SETD3: variants seen among roughly 807,000 people sequenced by gnomAD.
SETD3 encodes the protein actin-histidine N-methyltransferase.
SETD3 carries 19 observed loss-of-function variants against 63.0 expected under a neutral mutation model. That is an observed-to-expected ratio of 0.30 (90% confidence interval 0.21 to 0.44). The LOEUF is 0.44. Among genes scored for constraint, SETD3 ranks in the 20% least tolerant of loss-of-function variants. The pLI, the probability that SETD3 is intolerant of heterozygous loss-of-function variation, is 1.00. For synonymous variants in SETD3, 286 were observed against 264.1 expected, an observed-to-expected ratio of 1.08 and a Z score of -0.80; for missense variants, 587 against 728.5, an observed-to-expected ratio of 0.81 and a Z score of 2.24.
intron 6 of SETD3, among the ~76,000 whole-genome samples, chr14:99,419,731 C>T (rs1417540905): frequency 1.3e-5 from 2 of 150,176 alleles, no homozygotes; most frequent in African/African-American, 2.5e-5. Context: ...GCCGAGATCC[C>T]GCCACTGCAC....
rs550269076 is a variant in SETD3 at position 99,459,254 on chromosome 14, G to A, written c.346-69C>T. The A allele has an allele frequency of 6.7e-4, 740 of 1,102,764 alleles. 6 individuals are homozygous for A. In the African/African-American group the frequency reaches 8.7e-3, roughly 13 times the overall value. The allele number at this position is 1,102,764 out of a possible 1,614,324, so 68.3% of individuals were successfully genotyped here. ...CAGTCTTCAATCCAACCATATCTAC[G>A]GTCAGAAATCCAATCACACATGAAG... On this transcript the variant is annotated intron_variant, in intron 4 of 12. Transcript: ENST00000331768.
chr14:99,424,939 A>C (rs1452970969), intron 6 of SETD3, among the ~76,000 whole-genome samples: 4 of 152,020 alleles, frequency 2.6e-5, no homozygotes. Flanking sequence ...CTGTTATGGC[A>C]CCTGGAAACT....
chr14:99,432,779 C>A (rs1389635691), intron 6 of SETD3, among the ~76,000 whole-genome samples: 1 of 152,216 alleles, frequency 6.6e-6, no homozygotes, highest in East Asian at 1.9e-4. Context: ...CTGGGACAGA[C>A]AGCTCTTTGC....
chr14:99,407,243 A>C (rs1366189742), intron 8 of SETD3, among the ~76,000 whole-genome samples: 1 of 152,196 alleles, frequency 6.6e-6, no homozygotes, highest in African/African-American at 2.4e-5. Context: ...AAATCCTCTC[A>C]TTATACCCCA....
At position 99,459,009 on chromosome 14, in the gene SETD3, C is replaced by T. The variant is rs186849047; in HGVS notation, c.418+104G>A. 2.9e-5 allele frequency: 21 copies of T among 727,418 alleles called. No individual in the cohort carries two copies. The African/African-American group carries it at 2.9e-4, about 10-fold the overall frequency. The allele number at this position is 727,418 out of a possible 1,614,324, so 45.1% of individuals were successfully genotyped here. ...TTAATGCATATTTGAGGGAATATTTCGCCAGTCGAGAAAAACCAAGTATTA... is the reference window on the plus strand; with the variant it reads ...TTAATGCATATTTGAGGGAATATTTTGCCAGTCGAGAAAAACCAAGTATTA... On this transcript the variant is annotated intron_variant, in intron 5 of 12. Coordinates refer to ENST00000331768, the MANE Select transcript of SETD3 (RefSeq NM_032233.3).
rs201418598 is a variant in SETD3, at chr14:99,419,908, TTGAC to T, written c.676-5978_676-5975del. On this transcript the variant is annotated intron_variant, in intron 6 of 12. Coordinates refer to ENST00000331768, the MANE Select transcript of SETD3 (RefSeq NM_032233.3). ...TCATCAATTACTCAACAAATATTTA[TTGAC>T]TTAGAAAAAAAGATGAAGATAGGTT... Among the ~76,000 whole-genome samples the T allele has an allele frequency of 5.2e-3, 797 of 152,350 alleles. 11 individuals carry two copies. The highest frequency in any genetic ancestry group is 0.018 in the African/African-American group (760 of 41,590).
intron 6 of SETD3, among the ~76,000 whole-genome samples, chr14:99,425,770 G>A (rs779905539): frequency 1.1e-4 from 16 of 152,260 alleles, no homozygotes; most frequent in Admixed American, 2.0e-4. Context: ...TGGTACAGAA[G>A]AGAATCTCTT....
chr14:99,406,399 C>T, intron 9 of SETD3, 117 bp downstream of exon 9: 1 of 869,778 alleles, frequency 1.1e-6, no homozygotes, highest in Non-Finnish European at 1.9e-6. Flanking sequence ...AAACAATCCT[C>T]AATGTGAATT....
At chr14:99,411,154 A>G (rs1891965481) in intron 8 of SETD3, 1 of 152,104 alleles carries the variant, frequency 6.6e-6, no homozygotes, top group African/African-American at 2.4e-5. Flanking sequence ...GAATGTCAGG[A>G]ACATAACCAC....
chr14:99,476,776 C>A (rs1257710032), intron 1 of SETD3, among the ~76,000 whole-genome samples: 1 of 152,074 alleles, frequency 6.6e-6, no homozygotes, highest in East Asian at 1.9e-4. Flanking sequence ...CCTGTTATGT[C>A]CTGATGAATT....
upstream of SETD3, among the ~76,000 whole-genome samples, chr14:99,482,263 T>G (rs570133825): frequency 3.3e-5 from 5 of 152,366 alleles, no homozygotes; most frequent in South Asian, 1.0e-3. Flanking sequence ...AACTTGGTGA[T>G]GTTTGTGTAT....
At chr14:99,464,027 C>A (rs1895226978) in intron 2 of SETD3, among the ~76,000 whole-genome samples, 1 of 152,164 alleles carries the variant, frequency 6.6e-6, no homozygotes, top group Admixed American at 6.5e-5. Flanking sequence ...AACACTGATT[C>A]CCTAAGGGAA....
chr14:99,468,575 C>G (rs1303742837), intron 1 of SETD3, among the ~76,000 whole-genome samples: 2 of 152,096 alleles, frequency 1.3e-5, no homozygotes, highest in Non-Finnish European at 2.9e-5. Context: ...ATGTAAAACA[C>G]CCTCCCAGCA....
At chr14:99,449,437 G>A (rs2139746641) in intron 6 of SETD3, among the ~76,000 whole-genome samples, 1 of 152,304 alleles carries the variant, frequency 6.6e-6, no homozygotes, top group Middle Eastern at 3.4e-3. Flanking sequence ...TCCCTGAGAA[G>A]GACACACTTT....
At chr14:99,438,312 G>A (rs1893603020) in intron 6 of SETD3, among the ~76,000 whole-genome samples, 1 of 152,162 alleles carries the variant, frequency 6.6e-6, no homozygotes, top group African/African-American at 2.4e-5. Flanking sequence ...ATTTGCTCTA[G>A]GCTTGACTTC....
upstream of SETD3, among the ~76,000 whole-genome samples, chr14:99,483,187 C>T (rs969138173): frequency 1.4e-4 from 21 of 151,994 alleles, 1 homozygote; most frequent in Non-Finnish European, 4.4e-5. Context: ...GTTGGAAGAG[C>T]CAACAAGTTT....
chr14:99,424,618 G>A (rs1379908367), intron 6 of SETD3, among the ~76,000 whole-genome samples: 1 of 152,190 alleles, frequency 6.6e-6, no homozygotes, highest in Non-Finnish European at 1.5e-5. Context: ...CTGAGCTCCT[G>A]ACCTGAGTTC....
At chr14:99,404,671 A>G (rs937844662) in intron 10 of SETD3, among the ~76,000 whole-genome samples, 1 of 152,228 alleles carries the variant, frequency 6.6e-6, no homozygotes, top group African/African-American at 2.4e-5. Flanking sequence ...TTAATCAAAT[A>G]TTGACAAGTT....
chr14:99,427,105 T>C (rs868814195), intron 6 of SETD3, among the ~76,000 whole-genome samples: 3 of 152,236 alleles, frequency 2.0e-5, no homozygotes, highest in Admixed American at 6.5e-5. Flanking sequence ...GGCTGCTAAC[T>C]TTCCCAAGTG....
Sources: gnomAD v4.1 joint callset for allele counts (sites outside exome capture counted in the v4.1 genomes callset) on GRCh38, gnomAD v4.1.1 for gene constraint, MANE v1.5 for transcripts, NCBI Gene and HGNC (gene_info 2026-07-23, HGNC 2026-07-21) for gene names.